ACAD9: variants seen among roughly 807,000 people sequenced by gnomAD.
ACAD9 encodes the protein acyl-CoA dehydrogenase family member 9, also known as complex I assembly factor ACAD9, mitochondrial.
ACAD9 carries 53 observed loss-of-function variants against 70.2 expected under a neutral mutation model. The ratio of observed to expected loss-of-function variants is 0.75; its 90% CI spans 0.61 to 0.95. ACAD9 has a LOEUF of 0.95. Ranked by LOEUF, ACAD9 falls within the 40% of genes least tolerant of loss-of-function variation. The pLI is 0.00. For missense variants in ACAD9, 777 were observed against 802.8 expected (o/e 0.97, Z 0.39); for synonymous variants, 313 against 312.1 (o/e 1.00, Z -0.03).
chr3:128,890,150 C>A (rs1362012020), intron 2 of ACAD9, among the ~76,000 whole-genome samples: 1 of 151,270 alleles, frequency 6.6e-6, no homozygotes, highest in East Asian at 2.0e-4. Context: ...TTTTGAGATG[C>A]CATCTCGACT....
At chr3:128,912,438 C>G in intron 17 of ACAD9, 69 bp from the exon 18 acceptor site, 2 of 1,433,990 alleles carry the variant, frequency 1.4e-6, no homozygotes, top group East Asian at 4.6e-5. Flanking sequence ...AAAAATGCCC[C>G]CACTTCAGCC....
At position 128,897,667 on chromosome 3, in the gene ACAD9, C is replaced by T. The variant is rs1248474043; in HGVS notation, c.590C>T (p.Thr197Ile). The change falls in exon 6 of 18, where the codon ACA becomes ATA. Residue 197 changes from threonine to isoleucine, a missense_variant. Transcript: ENST00000308982. ...GCAGCCTCAATCCGGAGCAGAGCCA[C>T]ACTAAGTGAAGACAAGAAGCACTAC... ...SDAASIRSRA[T>I]LSEDKKHYIL... 1.9e-6 allele frequency: 3 copies of T among 1,613,960 alleles called. No homozygotes were observed. The highest frequency in any genetic ancestry group is 1.7e-6 in the Non-Finnish European group (2 of 1,179,922).
At chr3:128,889,736 T>G (rs13073796) in intron 2 of ACAD9, among the ~76,000 whole-genome samples, 19,919 of 152,262 alleles carry the variant, frequency 0.13, 1,351 homozygotes, top group Middle Eastern at 0.16. Context: ...CAAGATTTGT[T>G]TATCCATTCA....
At chr3:128,911,939 C>T (rs184391361) in intron 17 of ACAD9, among the ~76,000 whole-genome samples, 1 of 152,328 alleles carries the variant, frequency 6.6e-6, no homozygotes, top group Admixed American at 6.5e-5. Flanking sequence ...GCTCTGTCTG[C>T]AGTGCTCTTC....
At chr3:128,893,525 T>A (rs1275658605) in intron 2 of ACAD9, 30 bp from the exon 3 acceptor site, 1 of 1,501,440 alleles carries the variant, frequency 6.7e-7, no homozygotes, top group Admixed American at 1.7e-5. Flanking sequence ...ATAGCTTATA[T>A]TTGTTTAATC....
At chr3:128,884,772 C>T (rs1218424298) in intron 2 of ACAD9, 26 bp downstream of exon 2, 4 of 1,531,996 alleles carry the variant, frequency 2.6e-6, no homozygotes, top group Non-Finnish European at 3.6e-6. Context: ...TTTACCATTG[C>T]CGATTTCCAT....
chr3:128,908,356 C>G (rs1414534662), intron 13 of ACAD9, 92 bp downstream of exon 13: 1 of 1,461,786 alleles, frequency 6.8e-7, no homozygotes, highest in Non-Finnish European at 9.5e-7. Flanking sequence ...CTGCCTTGAC[C>G]TGGAGTGGGG....
intron 4 of ACAD9, among the ~76,000 whole-genome samples, chr3:128,895,781 C>T (rs1264042317): frequency 6.6e-6 from 1 of 152,244 alleles, no homozygotes; most frequent in Non-Finnish European, 1.5e-5. Context: ...AAGCCACCTT[C>T]TCCCCACTGG....
intron 2 of ACAD9, among the ~76,000 whole-genome samples, chr3:128,890,680 C>T (rs141759595): frequency 0.029 from 4,373 of 151,838 alleles, 106 homozygotes; most frequent in South Asian, 0.11. Context: ...CCAGCCTGGG[C>T]GACAGAACAA....
At chr3:128,900,582 C>T (rs1001489213) in intron 7 of ACAD9, among the ~76,000 whole-genome samples, 23 of 149,982 alleles carry the variant, frequency 1.5e-4, no homozygotes, top group African/African-American at 4.4e-4. Flanking sequence ...TGGCTGGTCT[C>T]GAACTCCTGG....
At position 128,912,544 on chromosome 3, in the gene ACAD9, G is replaced by C. The variant is rs1232069138; in HGVS notation, c.1803G>C (p.Val601=). The C allele has an allele frequency of 6.2e-7, 1 of 1,614,112 alleles. No individual in the cohort carries two copies. Among genetic ancestry groups the C allele is most frequent in the Non-Finnish European group, 8.5e-7 (1 of 1,180,022 alleles). The change falls in exon 18 of 18, where the codon GTG becomes GTC. Residue 601 remains valine, a synonymous_variant. Transcript: ENST00000308982. The part of the protein sequence containing the change: ...PENLDEQIKK[V]SQQILEKRAY... ...ACCTAGATGAGCAGATTAAGAAAGT[G>C]TCCCAGCAGATCCTTGAGAAGCGAG...
chr3:128,890,634 G>A lies in ACAD9; in HGVS notation c.245-2921G>A, dbSNP rs777714220. Among the ~76,000 whole-genome samples, 9 of 151,748 alleles carry A rather than the reference G, an allele frequency of 5.9e-5. No homozygotes were observed. The East Asian group carries it at 6.0e-4, about 10-fold the overall frequency. ...GGAGAATGGCGTGAACCCGGGAGGCGGAGCTTGCAGTGAGCCAAGATCGCA... is the reference window on the plus strand; with the variant it reads ...GGAGAATGGCGTGAACCCGGGAGGCAGAGCTTGCAGTGAGCCAAGATCGCA... On this transcript the variant is annotated intron_variant, in intron 2 of 17. Coordinates refer to ENST00000308982, the MANE Select transcript of ACAD9 (RefSeq NM_014049.5).
At chr3:128,900,232 A>C (rs1935695637) in intron 7 of ACAD9, among the ~76,000 whole-genome samples, 1 of 151,394 alleles carries the variant, frequency 6.6e-6, no homozygotes, top group African/African-American at 2.4e-5. Flanking sequence ...ATACCTGGCC[A>C]CTTTTTTTTG....
intron 2 of ACAD9, among the ~76,000 whole-genome samples, chr3:128,886,510 A>G (rs1213309573): frequency 1.3e-5 from 2 of 151,980 alleles, no homozygotes; most frequent in African/African-American, 2.4e-5. Context: ...GGAGTTCGAT[A>G]CCAGCCTGAC....
Position 128,910,809 on chromosome 3 carries a change from C to T in ACAD9, c.1761C>T (p.Asp587=). ...LQNLFSLSQL[D]KYAPENLDEQ... The stretch of plus-strand genomic sequence containing the variant: ...ATCTCTTCAGCCTCTCTCAGCTGGA[C>T]AAGTGTGAGTGGCATGTCTTGGGGG... The change falls in exon 17 of 18, where the codon GAC becomes GAT. Residue 587 remains aspartate, a synonymous_variant. Transcript: ENST00000308982. 6.2e-7 allele frequency: 1 copy of T among 1,614,184 alleles called. No individual in the cohort carries two copies. The highest frequency in any genetic ancestry group is 8.5e-7 in the Non-Finnish European group (1 of 1,180,036).
At chr3:128,885,294 G>A (rs1371711868) in intron 2 of ACAD9, among the ~76,000 whole-genome samples, 1 of 152,188 alleles carries the variant, frequency 6.6e-6, no homozygotes, top group East Asian at 1.9e-4. Context: ...GATGGTGGAT[G>A]GACAGCAGGT....
At chr3:128,896,623 T>A in intron 5 of ACAD9, 87 bp downstream of exon 5, 1 of 1,333,600 alleles carries the variant, frequency 7.5e-7, no homozygotes, top group Non-Finnish European at 1.1e-6. Context: ...TTTTGTTGAG[T>A]AGCTGACTTT....
At chr3:128,910,445 TCTGA>T (rs1936153286) in intron 16 of ACAD9, 2 of 1,059,596 alleles carry the variant, frequency 1.9e-6, no homozygotes, top group Non-Finnish European at 2.7e-6. Flanking sequence ...GGGTGCAGTC[TCTGA>T]GGACCCACTG....
chr3:128,910,924 G>GACC (rs1363083547), intron 17 of ACAD9, 111 bp downstream of exon 17: 2 of 1,331,006 alleles, frequency 1.5e-6, no homozygotes, highest in Non-Finnish European at 2.2e-6. Context: ...GCTACTCACA[G>GACC]ACCTCTGCCT....
Sources: gnomAD v4.1 joint callset for allele counts (sites outside exome capture counted in the v4.1 genomes callset) on GRCh38, gnomAD v4.1.1 for gene constraint, MANE v1.5 for transcripts, NCBI Gene and HGNC (gene_info 2026-07-23, HGNC 2026-07-21) for gene names.